Variants in VPS51 observed in about 807,000 individuals in gnomAD.
The protein encoded by VPS51 is vacuolar protein sorting-associated protein 51 homolog.
A neutral mutation model predicts 65.1 loss-of-function variants in VPS51; 55 were observed. That is an observed-to-expected ratio of 0.84 (90% CI 0.68 to 1.06). The LOEUF (loss-of-function observed/expected upper bound fraction) is 1.06, where lower values mean the gene tolerates loss of function less well. VPS51 is among the 50% of genes least tolerant of loss of function. The pLI is 0.00. For synonymous variants in VPS51, 473 were observed against 489.5 expected (o/e 0.97, Z 0.44); for missense variants, 943 against 1,101.6 (o/e 0.86, Z 2.04).
Position 65,110,688 on chromosome 11 carries a change from A to G in VPS51, c.2001-6A>G, listed in dbSNP as rs367832923. The G allele has an allele frequency of 2.5e-6, 4 of 1,614,006 alleles. No individual in the cohort carries two copies. Among genetic ancestry groups the G allele is most frequent in the Non-Finnish European group, 3.4e-6 (4 of 1,180,004 alleles). On this transcript the variant is annotated splice_polypyrimidine_tract_variant and splice_region_variant and intron_variant, in intron 8 of 9. Coordinates refer to ENST00000279281, the MANE Select transcript of VPS51 (RefSeq NM_013265.4). ...GGGCTCTGATTCCTTGTCTTCCCCA[A>G]TCCAGTGCCCCGATGGACACCAACC...
intron 2 of VPS51, among the ~76,000 whole-genome samples, chr11:65,104,575 A>AC (rs1565311984): frequency 3.9e-5 from 6 of 152,326 alleles, no homozygotes; most frequent in Admixed American, 3.9e-4. Context: ...CATTCATGAA[A>AC]CAAAAACCCT....
rs1468806382 is a variant in VPS51 at position 65,109,966 on chromosome 11, G to C, written c.1878+43G>C. 1.4e-5 allele frequency: 22 copies of C among 1,536,422 alleles called. No individual in the cohort carries two copies. In the South Asian group the frequency reaches 2.4e-4, roughly 17 times the overall value. ...CGGGGTAGCCCTGACGCAGGCTGGG[G>C]GTACTGTCCCTTCAAGAGGGGCTGG... On this transcript the variant is annotated intron_variant, in intron 7 of 9. Coordinates refer to ENST00000279281, the MANE Select transcript of VPS51 (RefSeq NM_013265.4).
chr11:65,111,654 T>C lies in VPS51; in HGVS notation c.*67T>C. The C allele has an allele frequency of 6.1e-6, 9 of 1,470,340 alleles. 1 individual carries two copies. The South Asian group carries it at 1.2e-4, about 19-fold the overall frequency. The allele number at this position is 1,470,340 out of a possible 1,614,324, so 91.1% of individuals were successfully genotyped here. On this transcript the variant is annotated 3_prime_UTR_variant, in exon 10 of 10. Coordinates refer to ENST00000279281, the MANE Select transcript of VPS51 (RefSeq NM_013265.4). ...GGCACCCAGGATCTGGTCTCGGTGG[T>C]CCTTCCCCGCAGGCAGGTGTCAGGA...
Position 65,110,476 on chromosome 11 carries a change from C to T in VPS51, c.1879-6C>T. ...GCCTCCTTGCAGTACCTCTTTTTAC[C>T]ACCAGGTGGGGCTCCTGTACGAAGA... is the stretch of plus-strand genomic sequence containing the variant. On this transcript the variant is annotated splice_region_variant and splice_polypyrimidine_tract_variant and intron_variant, in intron 7 of 9. Transcript: ENST00000279281. 1 of 1,613,862 alleles carries T rather than the reference C, an allele frequency of 6.2e-7. No individual in the cohort carries two copies. Among genetic ancestry groups the T allele is most frequent in the Non-Finnish European group, 8.5e-7 (1 of 1,180,006 alleles).
chr11:65,106,641 C>T (rs959196643), intron 2 of VPS51, among the ~76,000 whole-genome samples: 2 of 151,542 alleles, frequency 1.3e-5, no homozygotes, highest in African/African-American at 2.4e-5. Context: ...GTCCCAGCTA[C>T]TTGGGAGGCT....
rs1207429747 is a variant in VPS51 at position 65,096,224 on chromosome 11, TCA to T, written c.-25_-24del. 1 of 1,524,296 alleles carries T rather than the reference TCA, an allele frequency of 6.6e-7. No homozygotes were observed. The highest frequency in any genetic ancestry group is 1.4e-5 in the African/African-American group (1 of 71,626). 94.4% of individuals were successfully genotyped at this position (1,524,296 alleles called of 1,614,324 possible). ...CTCCCCGTCCCCTTCCTTTCCAGCC[TCA>T]CGCCCGTGGGCTGCAGTTGGAACGA... On this transcript the variant is annotated 5_prime_UTR_variant, in exon 1 of 10. Transcript: ENST00000279281.
In VPS51 at chr11:65,110,697, C is replaced by T; in HGVS notation, c.2004C>T (p.Ala668=). The T allele has an allele frequency of 6.2e-7, 1 of 1,614,142 alleles. No individual in the cohort carries two copies. The highest frequency in any genetic ancestry group is 1.1e-5 in the South Asian group (1 of 91,088). Residue 668 remains alanine, a synonymous_variant, in exon 9 of 10, where the codon GCC becomes GCT. Coordinates refer to ENST00000279281, the MANE Select transcript of VPS51 (RefSeq NM_013265.4). ...GRYAPSYTPS[A]PMDTNLLSNI... Reference sequence around the variant, plus strand: ...TTCCTTGTCTTCCCCAATCCAGTGCCCCGATGGACACCAACCTCTTGAGCA... The same window carrying T: ...TTCCTTGTCTTCCCCAATCCAGTGCTCCGATGGACACCAACCTCTTGAGCA...
intron 2 of VPS51, among the ~76,000 whole-genome samples, chr11:65,104,764 T>C (rs1165870054): frequency 6.6e-6 from 1 of 152,218 alleles, no homozygotes; most frequent in Non-Finnish European, 1.5e-5. Context: ...ATCAAGTTTG[T>C]GTGAGAGCTG....
intron 1 of VPS51, 158 bp from the exon 2 acceptor site, chr11:65,096,840 C>T: frequency 8.8e-7 from 1 of 1,136,330 alleles, no homozygotes. Flanking sequence ...TGAGCTAGGC[C>T]ACTTAGGGCC....
In VPS51 at chr11:65,108,290, G is replaced by A. The variant is rs370063968; in HGVS notation, c.819G>A (p.Leu273=). Residue 273 remains leucine (L), a synonymous_variant, in exon 5 of 10, where the codon CTG becomes CTA. Transcript: ENST00000279281. ...CGGAGGAGCTGTGCGAGGAGTTCCT[G>A]GCGCACGCCCGCGGCCGGCTGGAGA... is the stretch of plus-strand genomic sequence containing the variant. ...EPAEELCEEF[L]AHARGRLEKE... 176 of 1,602,782 alleles carry A rather than the reference G, an allele frequency of 1.1e-4. No homozygotes were observed. The highest frequency in any genetic ancestry group is 5.1e-4 in the Middle Eastern group (3 of 5,882).
At chr11:65,099,105 T>C (rs1320174803) in intron 2 of VPS51, among the ~76,000 whole-genome samples, 2 of 152,186 alleles carry the variant, frequency 1.3e-5, no homozygotes, top group Non-Finnish European at 2.9e-5. Flanking sequence ...GGAGAATTGC[T>C]TGAACCCAGG....
intron 2 of VPS51, among the ~76,000 whole-genome samples, chr11:65,098,453 T>C (rs1353382480): frequency 6.6e-6 from 1 of 152,208 alleles, no homozygotes; most frequent in Non-Finnish European, 1.5e-5. Flanking sequence ...CCACACTAGC[T>C]TCTGTGCTGT....
rs764042264 is a variant in VPS51 at position 65,096,407 on chromosome 11, G to A, written c.157G>A (p.Ala53Thr). Residue 53 changes from alanine to threonine, a missense_variant, in exon 1 of 10, where the codon GCG (alanine) becomes ACG (threonine). Ala to Thr is a moderately conservative substitution (Grantham distance 58). Around this residue, in one of 2 missense-constraint regions of VPS51, gnomAD observed 855 missense variants for 953.7 expected, o/e 0.90. Coordinates refer to ENST00000279281, the MANE Select transcript of VPS51 (RefSeq NM_013265.4). ...LSEGEAAGRP[A>T]GPDPLDPTDL... is the part of the protein sequence containing the mutation. ...GGAAGGGGAGGCGGCGGGACGCCCCGCGGGGCCCGACCCCCTGGACCCGAC... is the reference window on the plus strand; with the variant it reads ...GGAAGGGGAGGCGGCGGGACGCCCCACGGGGCCCGACCCCCTGGACCCGAC... 1 of 1,536,714 alleles carries A rather than the reference G, an allele frequency of 6.5e-7. No homozygotes were observed. Among genetic ancestry groups the A allele is most frequent in the South Asian group, 1.2e-5 (1 of 81,842 alleles).
chr11:65,109,058 C>T, intron 5 of VPS51, 144 bp downstream of exon 5: 1 of 1,121,660 alleles, frequency 8.9e-7, no homozygotes, highest in Middle Eastern at 2.5e-4. Flanking sequence ...GTGGGGAAGG[C>T]TCAGGGCATC....
intron 2 of VPS51, among the ~76,000 whole-genome samples, chr11:65,106,772 G>A (rs1293521582): frequency 1.3e-5 from 2 of 151,782 alleles, no homozygotes; most frequent in African/African-American, 4.8e-5. Flanking sequence ...AAAAGAATAG[G>A]TGGAATTGAA....
chr11:65,110,004 T>A, intron 7 of VPS51, 81 bp downstream of exon 7: 2 of 1,396,306 alleles, frequency 1.4e-6, no homozygotes, highest in South Asian at 2.6e-5. Context: ...CAGCAGAGGA[T>A]CACTGGCAGT....
At chr11:65,098,377 A>T (rs1284512684) in intron 2 of VPS51, among the ~76,000 whole-genome samples, 1 of 152,150 alleles carries the variant, frequency 6.6e-6, no homozygotes, top group African/African-American at 2.4e-5. Context: ...CACAAAGATC[A>T]TGTCGAGGCT....
intron 5 of VPS51, 34 bp downstream of exon 5, chr11:65,108,948 T>A: frequency 6.3e-7 from 1 of 1,595,518 alleles, no homozygotes; most frequent in Non-Finnish European, 8.6e-7. Context: ...TTGTTCAACC[T>A]GCTGGTTGAC....
Position 65,109,430 on chromosome 11 carries a change from C to G in VPS51, c.1594C>G (p.Leu532Val). 3 of 1,610,398 alleles carry G rather than the reference C, an allele frequency of 1.9e-6. No homozygotes were observed. In the South Asian group the frequency reaches 3.3e-5, roughly 18 times the overall value. Reference protein sequence around the residue: ...ALLLLLSRLCLDYETATISYI... With the variant: ...ALLLLLSRLCVDYETATISYI... ...GCTCCTGCTGCTCTCCCGCCTCTGC[C>G]TGGACTACGAGACGGCCACCATCTC... Residue 532 changes from leucine to valine, a missense_variant, in exon 6 of 10, where the codon CTG becomes GTG. This residue lies in a region of VPS51 where 855 missense variants were observed against 953.7 expected (regional missense o/e 0.90). Coordinates refer to ENST00000279281, the MANE Select transcript of VPS51 (RefSeq NM_013265.4).
Sources: gnomAD v4.1 joint callset for allele counts (sites outside exome capture counted in the v4.1 genomes callset) on GRCh38, gnomAD v4.1.1 for gene constraint, gnomAD v4.1.1 regional missense constraint, MANE v1.5 for transcripts, NCBI Gene and HGNC (gene_info 2026-07-23, HGNC 2026-07-21) for gene names.